Variants in FGGY observed in about 807,000 individuals in gnomAD.
FGGY encodes FGGY carbohydrate kinase domain containing, also known as FGGY carbohydrate kinase domain-containing protein.
In FGGY, 72 loss-of-function variants were observed where a neutral mutation model predicts 71.3. That is an observed-to-expected ratio of 1.01 (90% CI 0.84 to 1.23). FGGY has a LOEUF of 1.23. Ranked by LOEUF, FGGY falls within the 50% of genes most tolerant of loss-of-function variation. The probability of loss-of-function intolerance (pLI) is 0.00; values close to 1 mark genes in which losing one functional copy is unlikely to be tolerated. For synonymous variants in FGGY, 251 were observed against 250.3 expected (o/e 1.00, Z -0.02); for missense variants, 668 against 682.3 (o/e 0.98, Z 0.23).
chr1:59,534,976 T>A (rs1324812023), intron 7 of FGGY, among the ~76,000 whole-genome samples: 1 of 150,762 alleles, frequency 6.6e-6, no homozygotes, highest in Non-Finnish European at 1.5e-5. Context: ...AATTCACACA[T>A]AACAATATTA....
chr1:59,346,445 T>C (rs372413356), intron 4 of FGGY, 47 bp downstream of exon 4: 17 of 1,598,912 alleles, frequency 1.1e-5, no homozygotes, highest in Non-Finnish European at 1.5e-5. Context: ...AGTAGAGGAT[T>C]CCTGTTACTG....
At chr1:59,680,135 A>G (rs1196916208) in intron 14 of FGGY, among the ~76,000 whole-genome samples, 1 of 151,910 alleles carries the variant, frequency 6.6e-6, no homozygotes, top group Non-Finnish European at 1.5e-5. Flanking sequence ...TTTAGCTTTC[A>G]TCCCCAGGCC....
intron 6 of FGGY, among the ~76,000 whole-genome samples, chr1:59,471,755 C>T (rs1409247399): frequency 6.6e-6 from 1 of 152,136 alleles, no homozygotes; most frequent in Non-Finnish European, 1.5e-5. Flanking sequence ...CATGGTCTAT[C>T]CCTTTGGGGA....
intron 7 of FGGY, among the ~76,000 whole-genome samples, chr1:59,548,552 A>C (rs1019032092): frequency 6.6e-6 from 1 of 152,236 alleles, no homozygotes; most frequent in Admixed American, 6.5e-5. Flanking sequence ...CTGAAGAAGT[A>C]GATAAACAAC....
At chr1:59,683,687 A>G (rs1302412155) in intron 14 of FGGY, among the ~76,000 whole-genome samples, 1 of 152,234 alleles carries the variant, frequency 6.6e-6, no homozygotes, top group Non-Finnish European at 1.5e-5. Context: ...TAGAAATGTT[A>G]TTAATTGGCT....
At position 59,505,488 on chromosome 1, in the gene FGGY, G is replaced by A. The variant is rs1162503959; in HGVS notation, c.671-6823G>A. 2.6e-5 allele frequency among the ~76,000 whole-genome samples: 4 copies of A among 152,126 alleles called. No homozygotes were observed. In the East Asian group the frequency reaches 7.7e-4, roughly 29 times the overall value. On this transcript the variant is annotated intron_variant, in intron 6 of 15. Transcript: ENST00000303721. The stretch of plus-strand genomic sequence containing the variant: ...TGTACTCTCCCAGCCAATCTGATTG[G>A]CCTCTTGACTTTGGCAAAACTGAGC...
intron 8 of FGGY, among the ~76,000 whole-genome samples, chr1:59,555,742 G>A (rs1285188963): frequency 6.6e-6 from 1 of 152,182 alleles, no homozygotes; most frequent in Non-Finnish European, 1.5e-5. Context: ...GCTCACGCCT[G>A]TAATCCCAGC....
chr1:59,403,271 T>C (rs917523278), intron 5 of FGGY, among the ~76,000 whole-genome samples: 1 of 152,250 alleles, frequency 6.6e-6, no homozygotes, highest in African/African-American at 2.4e-5. Context: ...TTTTTCTCTA[T>C]ACTGACTTTG....
chr1:59,585,610 G>C (rs2096271688), intron 8 of FGGY, among the ~76,000 whole-genome samples: 1 of 152,120 alleles, frequency 6.6e-6, no homozygotes, highest in Non-Finnish European at 1.5e-5. Context: ...ATAGGCATGG[G>C]CAAGGACTTC....
At chr1:59,633,038 T>C (rs1398992320) in intron 10 of FGGY, among the ~76,000 whole-genome samples, 2 of 145,434 alleles carry the variant, frequency 1.4e-5, no homozygotes, top group African/African-American at 2.6e-5. Flanking sequence ...TGAGACGGAG[T>C]CTCGCACTTT....
intron 10 of FGGY, among the ~76,000 whole-genome samples, chr1:59,636,206 G>A (rs1326677552): frequency 2.0e-5 from 3 of 152,060 alleles, no homozygotes; most frequent in East Asian, 3.9e-4. Flanking sequence ...CACATCACAC[G>A]CACTCACACA....
chr1:59,450,674 A>G (rs2072496582), intron 5 of FGGY, among the ~76,000 whole-genome samples: 1 of 152,066 alleles, frequency 6.6e-6, no homozygotes, highest in African/African-American at 2.4e-5. Context: ...CTTTTTTCAA[A>G]TGCTTTTTAA....
intron 14 of FGGY, among the ~76,000 whole-genome samples, chr1:59,747,427 C>T (rs2098209437): frequency 6.6e-6 from 1 of 152,214 alleles, no homozygotes; most frequent in South Asian, 2.1e-4. Flanking sequence ...GAAACTTTCC[C>T]TTGCTAGGAA....
intron 6 of FGGY, among the ~76,000 whole-genome samples, chr1:59,491,519 C>A (rs1484763121): frequency 6.6e-6 from 1 of 151,828 alleles, no homozygotes; most frequent in Non-Finnish European, 1.5e-5. Context: ...GTTTGTTGTT[C>A]ATGTATAAAA....
At chr1:59,688,773 G>A (rs1200236034) in intron 14 of FGGY, among the ~76,000 whole-genome samples, 6 of 149,666 alleles carry the variant, frequency 4.0e-5, no homozygotes, top group African/African-American at 7.4e-5. Flanking sequence ...TTTTTGAGAT[G>A]GAGTCTCACT....
At chr1:59,301,823 C>A (rs1405829269) in intron 1 of FGGY, among the ~76,000 whole-genome samples, 1 of 149,850 alleles carries the variant, frequency 6.7e-6, no homozygotes, top group East Asian at 1.9e-4. Flanking sequence ...AAGCGATTCT[C>A]CTGCCTCAGC....
At chr1:59,756,003 A>G (rs2098287383) in intron 14 of FGGY, 1 of 152,276 alleles carries the variant, frequency 6.6e-6, no homozygotes, top group Non-Finnish European at 1.5e-5. Flanking sequence ...GACCATCTCA[A>G]CAATACCCCG....
intron 12 of FGGY, among the ~76,000 whole-genome samples, chr1:59,665,552 C>T (rs1558732142): frequency 6.6e-6 from 1 of 152,142 alleles, no homozygotes; most frequent in African/African-American, 2.4e-5. Flanking sequence ...TCCCCAGGTT[C>T]CCCCATCCCC....
chr1:59,425,288 A>G (rs1418649437), intron 5 of FGGY, among the ~76,000 whole-genome samples: 2 of 152,368 alleles, frequency 1.3e-5, no homozygotes, highest in Non-Finnish European at 2.9e-5. Context: ...ATATTGGCAC[A>G]TAACAATTAG....
Sources: allele counts gnomAD v4.1 joint callset (sites outside exome capture counted in the v4.1 genomes callset), GRCh38; gene constraint gnomAD v4.1.1; transcripts MANE v1.5; gene names NCBI Gene and HGNC (gene_info 2026-07-23, HGNC 2026-07-21).